RBFOX1: variants seen among roughly 807,000 people sequenced by gnomAD.
RBFOX1 encodes RNA binding protein fox-1 homolog 1.
A neutral mutation model predicts 57.7 loss-of-function variants in RBFOX1; 8 were observed. The ratio of observed to expected loss-of-function variants is 0.14; its 90% CI spans 0.08 to 0.25. The LOEUF is 0.25. Ranked by LOEUF, RBFOX1 falls within the 10% of genes least tolerant of loss-of-function variation. RBFOX1 has a pLI of 1.00. For synonymous variants in RBFOX1, 326 were observed against 222.4 expected (o/e 1.47, Z -4.15); for missense variants, 611 against 548.5 (o/e 1.11, Z -1.14).
At chr16:6,880,813 T>G (rs2062785678) in intron 3 of RBFOX1, among the ~76,000 whole-genome samples, 1 of 152,192 alleles carries the variant, frequency 6.6e-6, no homozygotes, top group East Asian at 1.9e-4. Flanking sequence ...ATTGAAAGAA[T>G]AAATCAATAT....
chr16:6,577,488 G>A (rs1050743408), intron 2 of RBFOX1: 11 of 152,178 alleles, frequency 7.2e-5, no homozygotes, highest in African/African-American at 2.7e-4. Flanking sequence ...ACACCAAGTT[G>A]TGCTGTGGTG....
chr16:5,307,601 C>A (rs577171531), intron 1 of RBFOX1, among the ~76,000 whole-genome samples: 1 of 152,204 alleles, frequency 6.6e-6, no homozygotes, highest in African/African-American at 2.4e-5. Flanking sequence ...CCTGATCTCA[C>A]ACACACCGGG....
chr16:6,612,364 C>T (rs973802376), intron 2 of RBFOX1, among the ~76,000 whole-genome samples: 4 of 152,116 alleles, frequency 2.6e-5, no homozygotes, highest in African/African-American at 9.7e-5. Context: ...ACCAACATTG[C>T]CACTGCTTTT....
intron 4 of RBFOX1, among the ~76,000 whole-genome samples, chr16:7,296,485 A>G (rs1460551165): frequency 6.6e-6 from 1 of 152,144 alleles, no homozygotes; most frequent in Non-Finnish European, 1.5e-5. Context: ...GAGAATCATT[A>G]TAGTTCTGTA....
intron 3 of RBFOX1, among the ~76,000 whole-genome samples, chr16:6,787,258 C>T (rs758606963): frequency 5.3e-5 from 8 of 152,098 alleles, no homozygotes; most frequent in African/African-American, 1.2e-4. Context: ...CCTAACTGAT[C>T]GGCCCGTTCT....
rs2093073148 is a variant in RBFOX1, at chr16:6,401,645, C to G, written c.-64+84588C>G. 3.9e-5 allele frequency among the ~76,000 whole-genome samples: 6 copies of G among 152,168 alleles called. No individual in the cohort carries two copies. The South Asian group carries it at 1.2e-3, about 32-fold the overall frequency. Reference sequence around the variant, plus strand: ...GCTTTCATTTACCCATACCCCATTTCAAATCCCTTGTATAATGGAAGCCAC... The same window carrying G: ...GCTTTCATTTACCCATACCCCATTTGAAATCCCTTGTATAATGGAAGCCAC... On this transcript the variant is annotated intron_variant, in intron 2 of 15. Coordinates refer to ENST00000550418, the MANE Select transcript of RBFOX1 (RefSeq NM_018723.4).
At chr16:5,519,496 G>C (rs1219960130) in intron 2 of RBFOX1, among the ~76,000 whole-genome samples, 1 of 152,202 alleles carries the variant, frequency 6.6e-6, no homozygotes, top group African/African-American at 2.4e-5. Context: ...AGCTGAGATG[G>C]GAGGATCACT....
chr16:6,899,872 G>T (rs963392562), intron 3 of RBFOX1, among the ~76,000 whole-genome samples: 1 of 152,186 alleles, frequency 6.6e-6, no homozygotes, highest in African/African-American at 2.4e-5. Context: ...GCCATGTCCA[G>T]GTGTGAAGTT....
chr16:7,073,358 TAAG>T (rs2057712816), intron 4 of RBFOX1, among the ~76,000 whole-genome samples: 1 of 152,190 alleles, frequency 6.6e-6, no homozygotes, highest in Non-Finnish European at 1.5e-5. Flanking sequence ...AGACAAATCC[TAAG>T]AAGATCTTCC....
At chr16:6,993,045 G>A (rs919591122) in intron 3 of RBFOX1, among the ~76,000 whole-genome samples, 2 of 152,108 alleles carry the variant, frequency 1.3e-5, no homozygotes, top group Non-Finnish European at 2.9e-5. Flanking sequence ...TAATTTCGCA[G>A]CTGGAGCCTG....
At chr16:6,628,126 A>C (rs1198705277) in intron 2 of RBFOX1, among the ~76,000 whole-genome samples, 1 of 152,164 alleles carries the variant, frequency 6.6e-6, no homozygotes, top group Non-Finnish European at 1.5e-5. Flanking sequence ...GCAGTCCCCA[A>C]GATGTCTCTG....
chr16:6,330,662 C>A (rs564064910), intron 2 of RBFOX1, among the ~76,000 whole-genome samples: 1 of 152,182 alleles, frequency 6.6e-6, no homozygotes, highest in Non-Finnish European at 1.5e-5. Context: ...ACCAGACACC[C>A]ATGCTGCCTA....
intron 3 of RBFOX1, among the ~76,000 whole-genome samples, chr16:6,744,327 ATAG>A (rs2073054743): frequency 6.6e-6 from 1 of 152,140 alleles, no homozygotes; most frequent in Admixed American, 6.5e-5. Context: ...ATAGATTTGA[ATAG>A]TAGTATTAAT....
intron 1 of RBFOX1, among the ~76,000 whole-genome samples, chr16:6,264,605 T>G (rs1299890380): frequency 6.6e-6 from 1 of 152,072 alleles, no homozygotes; most frequent in Non-Finnish European, 1.5e-5. Flanking sequence ...CTCTTCCTCT[T>G]CAGGACCTTT....
chr16:7,571,663 C>T (rs775183370), intron 5 of RBFOX1, among the ~76,000 whole-genome samples: 9 of 152,108 alleles, frequency 5.9e-5, no homozygotes, highest in Admixed American at 5.2e-4. Flanking sequence ...ACACTGGGCC[C>T]GGGTAGAAGC....
At chr16:5,579,417 G>C (rs1189209324) in intron 2 of RBFOX1, among the ~76,000 whole-genome samples, 2 of 152,070 alleles carry the variant, frequency 1.3e-5, no homozygotes, top group Admixed American at 1.3e-4. Flanking sequence ...GATTCCGCTT[G>C]TGGCCTCTTA....
In RBFOX1 at chr16:5,886,859, G is replaced by C. The variant is rs183725009; in HGVS notation, c.351+19524G>C. Among the ~76,000 whole-genome samples the C allele has an allele frequency of 7.7e-4, 117 of 152,360 alleles. 1 individual carries two copies. Among genetic ancestry groups the C allele is most frequent in the African/African-American group, 2.7e-3 (114 of 41,590 alleles). ...GCCGAGATTGTGCCACAGCATTCTA[G>C]CCTGGGCAACGGAGTGAGACTCTGT... On this transcript the variant is annotated intron_variant, in intron 4 of 19. Transcript: ENST00000641259.
chr16:6,371,067 A>C (rs1321624119), intron 2 of RBFOX1, among the ~76,000 whole-genome samples: 1 of 152,210 alleles, frequency 6.6e-6, no homozygotes, highest in Non-Finnish European at 1.5e-5. Context: ...ATTAAGAGAC[A>C]CATGATATTA....
chr16:6,881,893 G>A (rs2063010866), intron 3 of RBFOX1, among the ~76,000 whole-genome samples: 1 of 152,202 alleles, frequency 6.6e-6, no homozygotes, highest in Non-Finnish European at 1.5e-5. Flanking sequence ...CACAGCTGGA[G>A]TTGCTGTATA....
Sources: gnomAD v4.1 joint callset for allele counts (sites outside exome capture counted in the v4.1 genomes callset) on GRCh38, gnomAD v4.1.1 for gene constraint, MANE v1.5 for transcripts, NCBI Gene and HGNC (gene_info 2026-07-23, HGNC 2026-07-21) for gene names.